Variants in CYP46A1 observed in about 807,000 individuals in gnomAD.
CYP46A1 encodes cholesterol 24-hydroxylase.
In CYP46A1, 20 loss-of-function variants were observed where a neutral mutation model predicts 63.3. The observed-to-expected ratio is 0.32, with a 90% CI of 0.22 to 0.46. CYP46A1 has a LOEUF of 0.46. Ranked by LOEUF, CYP46A1 falls within the 20% of genes least tolerant of loss-of-function variation. The pLI is 1.00. For synonymous variants in CYP46A1, 268 were observed against 273.6 expected (o/e 0.98, Z 0.20); for missense variants, 445 against 670.8 (o/e 0.66, Z 3.72).
chr14:99,726,808 TCCCCTGCC>T lies in CYP46A1; in HGVS notation c.*84_*91del. 1 of 1,202,302 alleles carries T rather than the reference TCCCCTGCC, an allele frequency of 8.3e-7. No individual in the cohort carries two copies. Among genetic ancestry groups the T allele is most frequent in the Non-Finnish European group, 1.1e-6 (1 of 900,276 alleles). The allele number at this position is 1,202,302 out of a possible 1,614,324, so 74.5% of individuals were successfully genotyped here. A position where few individuals can be genotyped will look rare whatever the true frequency, so the allele number is the denominator to read the frequency against. On this transcript the variant is annotated 3_prime_UTR_variant, in exon 15 of 15. Transcript: ENST00000261835. ...TGCTGCCCACGGCCACCCACCCTTC[TCCCCTGCC>T]CCGTCCCCTGGGCCACCCTTCACGC...
intron 7 of CYP46A1, among the ~76,000 whole-genome samples, chr14:99,715,333 C>T (rs1307243302): frequency 6.6e-6 from 1 of 152,174 alleles, no homozygotes; most frequent in Non-Finnish European, 1.5e-5. Flanking sequence ...CATATCACCT[C>T]CTTATTCCAG....
intron 7 of CYP46A1, chr14:99,712,461 A>AT (rs1302809688): frequency 1.3e-5 from 2 of 152,206 alleles, no homozygotes; most frequent in Non-Finnish European, 2.9e-5. Flanking sequence ...GGTAAAAAAA[A>AT]ATCAGCATAC....
intron 7 of CYP46A1, among the ~76,000 whole-genome samples, chr14:99,714,615 C>T (rs185597921): frequency 6.6e-6 from 1 of 151,940 alleles, no homozygotes; most frequent in Admixed American, 6.6e-5. Context: ...AAAAAATTAG[C>T]CAGGCATGGT....
chr14:99,706,847 T>TCTCCCTCTTCCCTTCTCTCTTCCC (rs2056681169), intron 6 of CYP46A1, 62 bp downstream of exon 6: 14 of 1,559,826 alleles, frequency 9.0e-6, no homozygotes, highest in Admixed American at 1.8e-5. Flanking sequence ...GGGTCTCTTC[T>TCTCCCTCTTCCCTTCTCTCTTCCC]CTCCCTCTTC....
intron 1 of CYP46A1, among the ~76,000 whole-genome samples, chr14:99,690,208 T>C (rs1332607377): frequency 6.6e-6 from 1 of 152,220 alleles, no homozygotes; most frequent in Non-Finnish European, 1.5e-5. Flanking sequence ...ATTTTTTGAA[T>C]TTGAAAAATC....
At chr14:99,692,304 A>G (rs891651708) in intron 3 of CYP46A1, among the ~76,000 whole-genome samples, 1 of 152,260 alleles carries the variant, frequency 6.6e-6, no homozygotes, top group East Asian at 1.9e-4. Flanking sequence ...ACAATTAGTG[A>G]CGCATTTAAT....
In CYP46A1 at chr14:99,725,898, C is replaced by T. The variant is rs115257069; in HGVS notation, c.1266-292C>T. 0.011 allele frequency among the ~76,000 whole-genome samples: 1,749 copies of T among 152,312 alleles called. 27 individuals are homozygous for T. The highest frequency in any genetic ancestry group is 0.04 in the African/African-American group (1,652 of 41,564). ...GTTCAGATCCAGGCTCTGCCCAGAG[C>T]TGGATGTAAATTTATGACCTGGAGT... On this transcript the variant is annotated intron_variant, in intron 13 of 14. Coordinates refer to ENST00000261835, the MANE Select transcript of CYP46A1 (RefSeq NM_006668.2). The surrounding 1 kb of genome is among the most constrained non-coding windows in gnomAD (Gnocchi z 4.2).
At chr14:99,694,067 G>T (rs1190789454) in intron 3 of CYP46A1, among the ~76,000 whole-genome samples, 4 of 146,058 alleles carry the variant, frequency 2.7e-5, no homozygotes, top group Non-Finnish European at 6.1e-5. Flanking sequence ...TCATACATGT[G>T]TAATCATATG....
chr14:99,726,197 T>C lies in CYP46A1; in HGVS notation c.1273T>C (p.Phe425Leu). 1 of 1,613,940 alleles carries C rather than the reference T, an allele frequency of 6.2e-7. No individual in the cohort carries two copies. Among genetic ancestry groups the C allele is most frequent in the Non-Finnish European group, 8.5e-7 (1 of 1,179,950 alleles). The part of the protein sequence containing the change: ...RFGPGAPKPR[F>L]TYFPFSLGHR... ...TCCTCTCTTTCCCTGCAGGCCACGG[T>C]TCACCTACTTCCCCTTCTCCCTGGG... Residue 425 changes from phenylalanine (F) to leucine (L), a missense_variant, in exon 14 of 15, where the codon TTC becomes CTC. Around this residue, in one of 4 missense-constraint regions of CYP46A1, gnomAD observed 95 missense variants for 156.9 expected, o/e 0.61. Transcript: ENST00000261835.
Position 99,722,148 on chromosome 14 carries a change from C to A in CYP46A1, c.1176+82C>A. 9.9e-7 allele frequency: 1 copy of A among 1,010,322 alleles called. No individual in the cohort carries two copies. Among genetic ancestry groups the A allele is most frequent in the Non-Finnish European group, 1.5e-6 (1 of 666,592 alleles). The allele number at this position is 1,010,322 out of a possible 1,614,324, so 62.6% of individuals were successfully genotyped here. A position where few individuals can be genotyped will look rare whatever the true frequency, so the allele number is the denominator to read the frequency against. ...TGAATTTGGGACTCACCAGGGGAGC[C>A]TGTGGCCCTGTTCCCATCATTGCAA... On this transcript the variant is annotated intron_variant, in intron 12 of 14. Transcript: ENST00000261835. This position sits in a 1 kb window ranked among gnomAD's most constrained non-coding sequence, Gnocchi z 4.6.
At chr14:99,726,133 T>A in intron 13 of CYP46A1, 57 bp from the exon 14 acceptor site, 2 of 1,488,990 alleles carry the variant, frequency 1.3e-6, no homozygotes, top group Admixed American at 3.3e-5. Flanking sequence ...TTCCTTATGT[T>A]GTTCCTGTGG....
At chr14:99,692,923 T>G (rs1283894363) in intron 3 of CYP46A1, among the ~76,000 whole-genome samples, 1 of 152,204 alleles carries the variant, frequency 6.6e-6, no homozygotes, top group Admixed American at 6.5e-5. Flanking sequence ...AATGGGTATC[T>G]GCTGTGGAGT....
chr14:99,717,506 T>C (rs1395843242), intron 9 of CYP46A1, among the ~76,000 whole-genome samples: 1 of 152,098 alleles, frequency 6.6e-6, no homozygotes, highest in East Asian at 1.9e-4. Flanking sequence ...CCCTAGGAGC[T>C]GGGCCCTGCT....
At chr14:99,695,706 C>T (rs2056582189) in intron 3 of CYP46A1, among the ~76,000 whole-genome samples, 1 of 151,582 alleles carries the variant, frequency 6.6e-6, no homozygotes, top group Non-Finnish European at 1.5e-5. Context: ...TCTCGGCTCA[C>T]TGCAACCTCC....
chr14:99,685,096 C>A (rs1277002046), intron 1 of CYP46A1, among the ~76,000 whole-genome samples: 1 of 33,160 alleles, frequency 3.0e-5, no homozygotes, highest in African/African-American at 9.3e-5. Flanking sequence ...CAACCCCCCC[C>A]CACCCCCAGC....
chr14:99,695,687 A>G (rs1595187649), intron 3 of CYP46A1, among the ~76,000 whole-genome samples: 1 of 150,744 alleles, frequency 6.6e-6, no homozygotes, highest in Non-Finnish European at 1.5e-5. Context: ...CTAGAGTGCA[A>G]TGGCGCTATC....
At chr14:99,685,098 ACCC>A (rs1357179681) in intron 1 of CYP46A1, among the ~76,000 whole-genome samples, 1 of 5,386 alleles carries the variant, frequency 1.9e-4, no homozygotes, top group African/African-American at 8.2e-4. Context: ...ACCCCCCCCC[ACCC>A]CCAGCTTAGC....
Position 99,699,559 on chromosome 14 carries a change from G to A in CYP46A1, c.356+20G>A. On this transcript the variant is annotated intron_variant, in intron 4 of 14. Coordinates refer to ENST00000261835, the MANE Select transcript of CYP46A1 (RefSeq NM_006668.2). ...TGAGAGGTAAGGAGGTATGGTGGAA[G>A]GCCTGGGTGGGAGGCCAGGAGAGCC... is the stretch of plus-strand genomic sequence containing the variant. 2 of 1,613,892 alleles carry A rather than the reference G, an allele frequency of 1.2e-6. No homozygotes were observed. Among genetic ancestry groups the A allele is most frequent in the East Asian group, 2.2e-5 (1 of 44,870 alleles).
At chr14:99,700,241 G>A (rs1435274960) in intron 5 of CYP46A1, 140 bp downstream of exon 5, 5 of 482,446 alleles carry the variant, frequency 1.0e-5, no homozygotes, top group Non-Finnish European at 1.8e-5. Flanking sequence ...AAAGGGGAAA[G>A]ACAGGGTGTT....
Sources: gnomAD v4.1 joint callset for allele counts (sites outside exome capture counted in the v4.1 genomes callset) on GRCh38, gnomAD v4.1.1 for gene constraint, gnomAD v4.1.1 regional missense constraint, Gnocchi (gnomAD v3.1) non-coding constraint, MANE v1.5 for transcripts, NCBI Gene and HGNC (gene_info 2026-07-23, HGNC 2026-07-21) for gene names.